Variants in DCC observed in about 807,000 individuals in gnomAD.
DCC encodes DCC netrin 1 receptor.
A neutral mutation model predicts 172.5 loss-of-function variants in DCC; 58 were observed. The ratio of observed to expected loss-of-function variants is 0.34; its 90% CI spans 0.27 to 0.42. DCC has a LOEUF of 0.42. Ranked by LOEUF, DCC falls within the 10% of genes least tolerant of loss-of-function variation. The pLI is 1.00. For synonymous variants in DCC, 709 were observed against 644.5 expected (o/e 1.10, Z -1.52); for missense variants, 1,740 against 1,791.0 (o/e 0.97, Z 0.51).
intron 5 of DCC, among the ~76,000 whole-genome samples, chr18:52,976,677 G>T (rs72928145): frequency 0.035 from 5,369 of 152,196 alleles, 127 homozygotes; most frequent in African/African-American, 0.054. Context: ...TTATTTTCCA[G>T]TCTGACTCCA....
In DCC at chr18:53,435,050, T is replaced by C. The variant is rs151246811; in HGVS notation, c.3164-94T>C. ...TTTCTTGGGGGTGATCAAAGTAATCTGTTCTGTTATTGTGTGTGTTAAAAT... is the reference window on the plus strand; with the variant it reads ...TTTCTTGGGGGTGATCAAAGTAATCCGTTCTGTTATTGTGTGTGTTAAAAT... On this transcript the variant is annotated intron_variant, in intron 21 of 28. Transcript: ENST00000442544. 370 of 933,090 alleles carry C rather than the reference T, an allele frequency of 4.0e-4. No homozygotes were observed. In the African/African-American group the frequency reaches 5.1e-3, roughly 13 times the overall value. The allele number at this position is 933,090 out of a possible 1,614,324, so 57.8% of individuals were successfully genotyped here. A position where few individuals can be genotyped will look rare whatever the true frequency, so the allele number is the denominator to read the frequency against.
intron 1 of DCC, among the ~76,000 whole-genome samples, chr18:52,439,174 TTGTGTGTGTGTGTG>T (rs60983168): frequency 1.7e-4 from 25 of 144,850 alleles, no homozygotes; most frequent in Admixed American, 6.2e-4. Flanking sequence ...AAGATATGTT[TTGTGTGTGTGTGTG>T]TGTGTGTGTG....
chr18:52,378,310 GAA>G (rs372325684), intron 1 of DCC, among the ~76,000 whole-genome samples: 10 of 140,318 alleles, frequency 7.1e-5, no homozygotes, highest in South Asian at 2.3e-4. Context: ...GATCTCTAAA[GAA>G]AAAAAAAAAA....
At chr18:53,426,356 T>C (rs1011251869) in intron 21 of DCC, among the ~76,000 whole-genome samples, 3 of 145,212 alleles carry the variant, frequency 2.1e-5, no homozygotes, top group African/African-American at 7.5e-5. Context: ...TAATATATTT[T>C]ATGATATATA....
intron 1 of DCC, among the ~76,000 whole-genome samples, chr18:52,497,217 C>T (rs566330409): frequency 7.7e-5 from 11 of 142,168 alleles, no homozygotes; most frequent in Admixed American, 3.0e-4. Context: ...ACTATGATGG[C>T]GCCACTGCTC....
chr18:53,301,347 C>T (rs536736142), intron 12 of DCC, among the ~76,000 whole-genome samples: 20 of 152,090 alleles, frequency 1.3e-4, no homozygotes, highest in Non-Finnish European at 2.5e-4. Flanking sequence ...CCTCGGCCTC[C>T]CAAAGTGCTG....
At chr18:53,394,065 T>C (rs527675928) in intron 17 of DCC, among the ~76,000 whole-genome samples, 1 of 152,330 alleles carries the variant, frequency 6.6e-6, no homozygotes, top group East Asian at 1.9e-4. Context: ...GCCAATGTCA[T>C]ATCTTTACTT....
At chr18:52,966,472 A>G (rs537372020) in intron 5 of DCC, among the ~76,000 whole-genome samples, 1 of 152,244 alleles carries the variant, frequency 6.6e-6, no homozygotes, top group Admixed American at 6.5e-5. Context: ...GCTGTGCAGT[A>G]TCCCCCAGGA....
intron 15 of DCC, among the ~76,000 whole-genome samples, chr18:53,348,759 C>G (rs1008066401): frequency 1.3e-5 from 2 of 152,186 alleles, no homozygotes; most frequent in Admixed American, 1.3e-4. Flanking sequence ...AACCATGGCC[C>G]TATCTCTACA....
chr18:53,465,214 C>T (rs1027954676), intron 24 of DCC, among the ~76,000 whole-genome samples: 1 of 150,574 alleles, frequency 6.6e-6, no homozygotes, highest in Non-Finnish European at 1.5e-5. Context: ...ATTCCTCTTA[C>T]TACTTCCTGT....
At chr18:53,181,048 A>G (rs1293149431) in intron 9 of DCC, among the ~76,000 whole-genome samples, 1 of 152,186 alleles carries the variant, frequency 6.6e-6, no homozygotes, top group Non-Finnish European at 1.5e-5. Flanking sequence ...CACACACACT[A>G]TATATGGTAT....
At chr18:52,808,310 G>C (rs973856438) in intron 2 of DCC, among the ~76,000 whole-genome samples, 5 of 151,858 alleles carry the variant, frequency 3.3e-5, no homozygotes, top group Admixed American at 6.6e-5. Context: ...CAAATGATGT[G>C]ATTTGACATC....
At chr18:52,642,014 GTATATA>G (rs1193018662) in intron 1 of DCC, among the ~76,000 whole-genome samples, 4 of 34,500 alleles carry the variant, frequency 1.2e-4, no homozygotes, top group African/African-American at 2.6e-4. Context: ...GTGTGTGTGT[GTATATA>G]TATATATATA....
rs534370077 is a variant in DCC at position 53,511,503 on chromosome 18, G to A, written c.4111+11993G>A. On this transcript the variant is annotated intron_variant, in intron 27 of 28. Coordinates refer to ENST00000442544, the MANE Select transcript of DCC (RefSeq NM_005215.4). The stretch of plus-strand genomic sequence containing the variant: ...AGCTCCGGTCTACAGCTCCCAGCGT[G>A]AGAGACGCAGAAGACGGGTGATTTC... Among the ~76,000 whole-genome samples the A allele has an allele frequency of 2.3e-3, 357 of 152,370 alleles. 3 individuals carry two copies. Among genetic ancestry groups the A allele is most frequent in the African/African-American group, 8.1e-3 (336 of 41,586 alleles).
chr18:52,911,786 C>G (rs917177246), intron 3 of DCC, among the ~76,000 whole-genome samples: 35 of 151,466 alleles, frequency 2.3e-4, no homozygotes, highest in African/African-American at 7.0e-4. Context: ...TTTTAAAAAT[C>G]TAGTTTGAAG....
chr18:53,289,979 T>C lies in DCC; in HGVS notation c.1912-15599T>C, dbSNP rs897692058. Among the ~76,000 whole-genome samples, 4 of 152,314 alleles carry C rather than the reference T, an allele frequency of 2.6e-5. No homozygotes were observed. In the East Asian group the frequency reaches 7.7e-4, roughly 29 times the overall value. ...AATGAAAATCTGAGCAAATACCATT[T>C]TGATTCAAAGCAATAGAAATGAAAA... On this transcript the variant is annotated intron_variant, in intron 12 of 28. Transcript: ENST00000442544.
At chr18:52,804,849 T>C (rs1010600726) in intron 2 of DCC, among the ~76,000 whole-genome samples, 2 of 152,190 alleles carry the variant, frequency 1.3e-5, no homozygotes, top group Admixed American at 6.5e-5. Context: ...CCCAAAGTGC[T>C]GGGATTACGG....
chr18:53,409,927 A>G (rs1909883153), intron 19 of DCC, among the ~76,000 whole-genome samples: 1 of 152,278 alleles, frequency 6.6e-6, no homozygotes, highest in Middle Eastern at 3.4e-3. Context: ...CTGCAGCTTC[A>G]CCGTCTGTGA....
In DCC at chr18:53,125,963, G is replaced by T. The variant is rs371104639; in HGVS notation, c.1262-31393G>T. Among the ~76,000 whole-genome samples, 9 of 152,230 alleles carry T rather than the reference G, an allele frequency of 5.9e-5. No individual in the cohort carries two copies. In the East Asian group the frequency reaches 1.4e-3, roughly 23 times the overall value. Reference sequence around the variant, plus strand: ...GAAGACACACACTGAACAAGTAACTGCAAGTTATTGAGTGTATACAAGGAG... The same window carrying T: ...GAAGACACACACTGAACAAGTAACTTCAAGTTATTGAGTGTATACAAGGAG... On this transcript the variant is annotated intron_variant, in intron 7 of 28. Transcript: ENST00000442544.
Sources: allele counts gnomAD v4.1 joint callset (sites outside exome capture counted in the v4.1 genomes callset), GRCh38; gene constraint gnomAD v4.1.1; transcripts MANE v1.5; gene names NCBI Gene and HGNC (gene_info 2026-07-23, HGNC 2026-07-21).